YJEFN3: variants seen among roughly 807,000 people sequenced by gnomAD.
YJEFN3 encodes YjeF N-terminal domain containing 3, also known as yjeF N-terminal domain-containing protein 3.
YJEFN3 carries 29 observed loss-of-function variants against 31.5 expected under a neutral mutation model. The observed-to-expected ratio is 0.92, with a 90% CI of 0.69 to 1.26. YJEFN3 has a LOEUF of 1.26. YJEFN3 is among the 50% of genes most tolerant of loss of function. The pLI is 0.00. For synonymous variants in YJEFN3, 227 were observed against 196.1 expected, an observed-to-expected ratio of 1.16 and a Z score of -1.32; for missense variants, 442 against 425.4, an observed-to-expected ratio of 1.04 and a Z score of -0.34.
At chr19:19,535,285 G>T in intron 4 of YJEFN3, 52 bp from the exon 5 acceptor site, 1 of 1,573,278 alleles carries the variant, frequency 6.4e-7, no homozygotes. Context: ...GGCAGGGTCT[G>T]GTGCTGGTGA....
At chr19:19,529,270 G>A (rs1372189967) in intron 1 of YJEFN3, 94 bp from the exon 2 acceptor site, 8 of 1,476,238 alleles carry the variant, frequency 5.4e-6, no homozygotes, top group Non-Finnish European at 6.3e-6. Flanking sequence ...TGCCTCCGGG[G>A]CAGCCCGCCC....
chr19:19,534,337 G>A lies in YJEFN3; in HGVS notation c.319-697G>A. The A allele has an allele frequency of 4.3e-6, 1 of 230,406 alleles. No individual in the cohort carries two copies. Among genetic ancestry groups the A allele is most frequent in the Non-Finnish European group, 7.2e-6 (1 of 139,480 alleles). The allele number at this position is 230,406 out of a possible 1,614,324, so 14.3% of individuals were successfully genotyped here. A position where few individuals can be genotyped will look rare whatever the true frequency, so the allele number is the denominator to read the frequency against. On this transcript the variant is annotated intron_variant, in intron 3 of 6. Coordinates refer to ENST00000514277, the MANE Select transcript of YJEFN3 (RefSeq NM_198537.4). This position sits in a 1 kb window ranked among gnomAD's most constrained non-coding sequence, Gnocchi z 4.6. ...TCTGAGAGATACAGACAGACACAGA[G>A]ACAGCCAGAGACAGATGGAGAGAGA...
chr19:19,531,955 G>A (rs1285824144), intron 2 of YJEFN3, among the ~76,000 whole-genome samples: 2 of 151,876 alleles, frequency 1.3e-5, no homozygotes, highest in South Asian at 2.1e-4. Flanking sequence ...GGGCAGGCTG[G>A]TCTGGAACTC....
chr19:19,530,420 C>G (rs1480920830), intron 2 of YJEFN3, among the ~76,000 whole-genome samples: 1 of 135,434 alleles, frequency 7.4e-6, no homozygotes, highest in Non-Finnish European at 1.6e-5. Flanking sequence ...CCCCCAGGTT[C>G]CTAACCTGGA....
chr19:19,532,827 C>G (rs8100927), intron 3 of YJEFN3, 87 bp downstream of exon 3: 194,558 of 1,211,260 alleles, frequency 0.16, 16,604 homozygotes, highest in Middle Eastern at 0.24. Context: ...GGGTGGTTCA[C>G]CCCTCAAGAA....
intron 2 of YJEFN3, among the ~76,000 whole-genome samples, chr19:19,532,364 G>A (rs1483710104): frequency 6.6e-6 from 1 of 152,236 alleles, no homozygotes; most frequent in Non-Finnish European, 1.5e-5. Context: ...TAGAACCAAC[G>A]CGCGGCCAGC....
Position 19,529,132 on chromosome 19 carries a change from A to C in YJEFN3, c.59+141A>C. 2.0e-6 allele frequency: 3 copies of C among 1,473,444 alleles called. 1 individual carries two copies. Among genetic ancestry groups the C allele is most frequent in the Non-Finnish European group, 2.7e-6 (3 of 1,109,150 alleles). 91.3% of individuals were successfully genotyped at this position (1,473,444 alleles called of 1,614,324 possible). On this transcript the variant is annotated intron_variant, in intron 1 of 6. Transcript: ENST00000514277. ...CGGGCACAGCCGGGATGGAGGTTCA[A>C]CGGCAGAGGCATGACCACGGTGGGG... is the stretch of plus-strand genomic sequence containing the variant.
In YJEFN3 at chr19:19,534,181, T is replaced by TA. The variant is rs1027834315; in HGVS notation, c.319-852dup. 326 of 984,754 alleles carry TA rather than the reference T, an allele frequency of 3.3e-4. No individual in the cohort carries two copies. The African/African-American group carries it at 5.2e-3, about 16-fold the overall frequency. 61.0% of individuals were successfully genotyped at this position (984,754 alleles called of 1,614,324 possible). On this transcript the variant is annotated intron_variant, in intron 3 of 6. Transcript: ENST00000514277. This position sits in a 1 kb window ranked among gnomAD's most constrained non-coding sequence, Gnocchi z 4.6. ...GCCTGGAGAGACAGAGTCTGAGAGA[T>TA]ACAGAGATGGCCAGAGACAGATGGA...
chr19:19,537,369 G>A lies in YJEFN3; in HGVS notation c.745G>A (p.Val249Met). ...TTCGGAGGACGGGCTGCGGCCTGAC[G>A]TGCTGGTGTCTCTCGCGGCGCCCAA... ...SDSEDGLRPD[V>M]LVSLAAPKRC... Residue 249 changes from valine (V) to methionine (M), a missense_variant, in exon 7 of 7, where the codon GTG (valine) becomes ATG (methionine). Coordinates refer to ENST00000514277, the MANE Select transcript of YJEFN3 (RefSeq NM_198537.4). The A allele has an allele frequency of 6.3e-7, 1 of 1,596,270 alleles. No homozygotes were observed. The highest frequency in any genetic ancestry group is 8.5e-7 in the Non-Finnish European group (1 of 1,177,430).
intron 6 of YJEFN3, chr19:19,536,100 C>T (rs891699652): frequency 7.2e-5 from 32 of 445,908 alleles, no homozygotes; most frequent in Non-Finnish European, 1.0e-4. Context: ...CCCTGGCTCT[C>T]GGGATCCCAG....
rs887880048 is a variant in YJEFN3 at position 19,532,796 on chromosome 19, G to A, written c.318+56G>A. 1.0e-5 allele frequency: 14 copies of A among 1,387,846 alleles called. No individual in the cohort carries two copies. The Admixed American group carries it at 2.7e-4, about 26-fold the overall frequency. The allele number at this position is 1,387,846 out of a possible 1,614,324, so 86.0% of individuals were successfully genotyped here. On this transcript the variant is annotated intron_variant, in intron 3 of 6. Transcript: ENST00000514277. ...CCAACCAGACGGCCAACTCTCCTGA[G>A]CTGCATGACTGCTGTGACCAGGGTG...
At chr19:19,533,007 A>C (rs2061173192) in intron 3 of YJEFN3, 4 of 1,243,400 alleles carry the variant, frequency 3.2e-6, no homozygotes, top group Non-Finnish European at 4.0e-6. Flanking sequence ...CCCCTCCTGC[A>C]CATGTGACCC....
In YJEFN3 at chr19:19,530,442, C is replaced by T. The variant is rs1437817063; in HGVS notation, c.209+929C>T. Among the ~76,000 whole-genome samples the T allele has an allele frequency of 2.0e-5, 3 of 151,654 alleles. No individual in the cohort carries two copies. The East Asian group carries it at 5.8e-4, about 29-fold the overall frequency. ...GTTCCTAACCTGGACGACCCTCTGC[C>T]CACAGAGCCCCCATTATTCTAATGA... On this transcript the variant is annotated intron_variant, in intron 2 of 6. Coordinates refer to ENST00000514277, the MANE Select transcript of YJEFN3 (RefSeq NM_198537.4).
In YJEFN3 at chr19:19,535,584, G is replaced by A. The variant is rs754127425; in HGVS notation, c.599G>A (p.Gly200Asp). 3 of 1,581,602 alleles carry A rather than the reference G, an allele frequency of 1.9e-6. No individual in the cohort carries two copies. Among genetic ancestry groups the A allele is most frequent in the South Asian group, 2.3e-5 (2 of 86,912 alleles). The part of the protein sequence containing the change: ...GLVVDAVLGP[G>D]VEPGEVGGPC... ...GTGGTGGATGCCGTACTGGGCCCCG[G>A]CGTGGAGCCGGGCGAGGTCGGGGGC... The change falls in exon 6 of 7, where the codon GGC becomes GAC. Residue 200 changes from glycine (G) to aspartate (D), a missense_variant. Coordinates refer to ENST00000514277, the MANE Select transcript of YJEFN3 (RefSeq NM_198537.4).
intron 2 of YJEFN3, among the ~76,000 whole-genome samples, chr19:19,531,600 G>T (rs904970699): frequency 6.6e-6 from 1 of 151,928 alleles, no homozygotes; most frequent in East Asian, 1.9e-4. Context: ...CAATTGTGTA[G>T]GTCACCCGAA....
At position 19,528,939 on chromosome 19, in the gene YJEFN3, A is replaced by C; in HGVS notation, c.7A>C (p.Ser3Arg). ...GCCCGGGCTCACCTCGGCCATGAGC[A>C]GCGCAGCCGGCCCAGACCCGTCGGA... is the stretch of plus-strand genomic sequence containing the variant. The part of the protein sequence containing the change: MS[S>R]AAGPDPSEAP... The change falls in exon 1 of 7, where the codon AGC becomes CGC. Residue 3 changes from serine (S) to arginine (R), a missense_variant. Coordinates refer to ENST00000514277, the MANE Select transcript of YJEFN3 (RefSeq NM_198537.4). 2 of 1,548,808 alleles carry C rather than the reference A, an allele frequency of 1.3e-6. No individual in the cohort carries two copies. The highest frequency in any genetic ancestry group is 2.4e-5 in the East Asian group (1 of 40,876).
rs768288174 is a variant in YJEFN3 at position 19,535,604 on chromosome 19, G to A, written c.619G>A (p.Gly207Arg). 19 of 1,584,396 alleles carry A rather than the reference G, an allele frequency of 1.2e-5. No homozygotes were observed. Among genetic ancestry groups the A allele is most frequent in the Middle Eastern group, 1.7e-4 (1 of 5,926 alleles). ...CCCCGGCGTGGAGCCGGGCGAGGTC[G>A]GGGGCCCCTGCACCCGCGCGCTGGC... is the stretch of plus-strand genomic sequence containing the variant. ...LGPGVEPGEVGGPCTRALATL... is the reference protein window; with the variant it reads ...LGPGVEPGEVRGPCTRALATL... Residue 207 changes from glycine (G) to arginine (R), a missense_variant, in exon 6 of 7, where the codon GGG becomes AGG. Physicochemically the swap from Gly to Arg is moderately radical, Grantham distance 125. Transcript: ENST00000514277.
At chr19:19,530,828 G>A (rs1471431289) in intron 2 of YJEFN3, among the ~76,000 whole-genome samples, 1 of 152,180 alleles carries the variant, frequency 6.6e-6, no homozygotes, top group Non-Finnish European at 1.5e-5. Context: ...TTACTGGGGT[G>A]TCCCAGGGCA....
intron 2 of YJEFN3, among the ~76,000 whole-genome samples, chr19:19,530,826 G>T (rs1181032559): frequency 6.6e-6 from 1 of 152,144 alleles, no homozygotes; most frequent in Non-Finnish European, 1.5e-5. Context: ...GTTTACTGGG[G>T]TGTCCCAGGG....
Sources: allele counts gnomAD v4.1 joint callset (sites outside exome capture counted in the v4.1 genomes callset), GRCh38; gene constraint gnomAD v4.1.1; non-coding constraint Gnocchi (gnomAD v3.1); transcripts MANE v1.5; gene names NCBI Gene and HGNC (gene_info 2026-07-23, HGNC 2026-07-21).